The following RAB39A variants were observed in gnomAD, a reference collection of about 807,000 sequenced individuals.
RAB39A encodes ras-related protein Rab-39A.
In RAB39A, 17 loss-of-function variants were observed where a neutral mutation model predicts 20.9. The ratio of observed to expected loss-of-function variants is 0.81; its 90% CI spans 0.56 to 1.22. The LOEUF (loss-of-function observed/expected upper bound fraction) is 1.22. RAB39A is among the 50% of genes most tolerant of loss of function. RAB39A has a pLI of 0.00. For synonymous variants in RAB39A, 99 were observed against 103.4 expected (o/e 0.96, Z 0.26); for missense variants, 234 against 270.5 (o/e 0.87, Z 0.95).
At chr11:107,946,452 ATATATATATTTTTTTTT>A (rs1861316777) in intron 1 of RAB39A, among the ~76,000 whole-genome samples, 2 of 71,800 alleles carry the variant, frequency 2.8e-5, no homozygotes, top group African/African-American at 5.4e-5. Context: ...ATATATATAT[ATATATATATTTTTTTTT>A]TTTTTTTTTT....
chr11:107,930,420 G>A (rs1049644490), intron 1 of RAB39A, among the ~76,000 whole-genome samples: 1 of 152,082 alleles, frequency 6.6e-6, no homozygotes, highest in African/African-American at 2.4e-5. Flanking sequence ...CAGAAAAAAA[G>A]CATTTGCTGT....
chr11:107,946,321 TATATACACACACACACACACAC>T (rs1368061546), intron 1 of RAB39A, among the ~76,000 whole-genome samples: 1 of 97,602 alleles, frequency 1.0e-5, no homozygotes, highest in African/African-American at 3.2e-5. Context: ...TATATATATA[TATATACACACACACACACACAC>T]ATATATATAC....
At chr11:107,949,898 C>T (rs1235391653) in intron 1 of RAB39A, among the ~76,000 whole-genome samples, 3 of 152,120 alleles carry the variant, frequency 2.0e-5, no homozygotes, top group Non-Finnish European at 2.9e-5. Flanking sequence ...TTTGGCCGGG[C>T]GCGGTGGCTC....
chr11:107,958,292 C>G (rs78680978), intron 1 of RAB39A, among the ~76,000 whole-genome samples: 1,636 of 152,258 alleles, frequency 0.011, 19 homozygotes, highest in African/African-American at 0.036. Flanking sequence ...ATCAACTCTT[C>G]AGTTCCTTAC....
intron 1 of RAB39A, among the ~76,000 whole-genome samples, chr11:107,958,030 T>C (rs1404441928): frequency 2.6e-5 from 4 of 152,150 alleles, no homozygotes; most frequent in Non-Finnish European, 5.9e-5. Context: ...TAGCTTGGAC[T>C]ACAGGCATGC....
intron 1 of RAB39A, among the ~76,000 whole-genome samples, chr11:107,946,450 ATATATATATATT>A (rs1861316074): frequency 2.8e-5 from 2 of 72,430 alleles, no homozygotes; most frequent in African/African-American, 1.1e-4. Context: ...ATATATATAT[ATATATATATATT>A]TTTTTTTTTT....
At chr11:107,947,272 T>C (rs1160364333) in intron 1 of RAB39A, among the ~76,000 whole-genome samples, 2 of 151,870 alleles carry the variant, frequency 1.3e-5, no homozygotes, top group Non-Finnish European at 2.9e-5. Flanking sequence ...CGGCTAATTT[T>C]GTTTTTCTGT....
At position 107,947,807 on chromosome 11, in the gene RAB39A, CAAAAAAAAAAAAAAA is replaced by C. The variant is rs35694249; in HGVS notation, c.228-14130_228-14116del. 3.2e-4 allele frequency among the ~76,000 whole-genome samples: 26 copies of C among 80,226 alleles called. 1 individual carries two copies. Among genetic ancestry groups the C allele is most frequent in the African/African-American group, 1.3e-3 (26 of 19,804 alleles). The allele number at this position is 80,226 out of a possible 152,430, so 52.6% of individuals were successfully genotyped here. ...CTGAGAAAGGAACAGCATCAACAGG[CAAAAAAAAAAAAAAA>C]AAAAAAAAGAATAAAAATCTGAGCA... On this transcript the variant is annotated intron_variant, in intron 1 of 1. Coordinates refer to ENST00000320578, the MANE Select transcript of RAB39A (RefSeq NM_017516.3).
chr11:107,942,054 G>A (rs146841096), intron 1 of RAB39A, among the ~76,000 whole-genome samples: 7 of 128,970 alleles, frequency 5.4e-5, no homozygotes, highest in Admixed American at 1.9e-4. Context: ...AGCCAAGATC[G>A]TACCACTGCT....
At chr11:107,946,157 A>AAAAC (rs542265403) in intron 1 of RAB39A, among the ~76,000 whole-genome samples, 18 of 150,188 alleles carry the variant, frequency 1.2e-4, no homozygotes, top group African/African-American at 2.2e-4. Flanking sequence ...CCTAGGGACC[A>AAAAC]AAACAAACAA....
At chr11:107,948,205 T>C (rs1166403949) in intron 1 of RAB39A, among the ~76,000 whole-genome samples, 1 of 152,054 alleles carries the variant, frequency 6.6e-6, no homozygotes, top group Non-Finnish European at 1.5e-5. Flanking sequence ...ACAGAAAAGC[T>C]AATGGAAATA....
Position 107,961,929 on chromosome 11 carries a change from T to C in RAB39A, c.228-17T>C. On this transcript the variant is annotated splice_polypyrimidine_tract_variant and intron_variant, in intron 1 of 1. Coordinates refer to ENST00000320578, the MANE Select transcript of RAB39A (RefSeq NM_017516.3). ...ACAAGTTGTCCTTATACAACCTTTT[T>C]TCTCTTCATTTTTCAGATCAATAAC... 3 of 1,585,690 alleles carry C rather than the reference T, an allele frequency of 1.9e-6. No homozygotes were observed. Among genetic ancestry groups the C allele is most frequent in the Non-Finnish European group, 2.6e-6 (3 of 1,162,976 alleles).
intron 1 of RAB39A, among the ~76,000 whole-genome samples, chr11:107,959,292 A>G (rs7120994): frequency 0.59 from 89,378 of 151,988 alleles, 26,646 homozygotes; most frequent in East Asian, 0.72. Flanking sequence ...TGCAGGCTTG[A>G]TGCTGAGTAA....
intron 1 of RAB39A, among the ~76,000 whole-genome samples, chr11:107,951,723 G>A (rs1332654256): frequency 6.2e-5 from 9 of 145,590 alleles, no homozygotes; most frequent in South Asian, 2.2e-4. Flanking sequence ...GAGTTCAAGC[G>A]ATCCTGCCAC....
At chr11:107,938,346 C>A (rs1861219922) in intron 1 of RAB39A, among the ~76,000 whole-genome samples, 1 of 99,760 alleles carries the variant, frequency 1.0e-5, no homozygotes, top group African/African-American at 3.7e-5. Context: ...GGCAATAGAG[C>A]AAGACTCCGT....
At chr11:107,953,269 A>AT (rs1861400309) in intron 1 of RAB39A, among the ~76,000 whole-genome samples, 1 of 152,090 alleles carries the variant, frequency 6.6e-6, no homozygotes, top group South Asian at 2.1e-4. Context: ...GTTTTGTACC[A>AT]TTTTTTTCTT....
chr11:107,936,746 A>T (rs1861197413), intron 1 of RAB39A, among the ~76,000 whole-genome samples: 1 of 152,020 alleles, frequency 6.6e-6, no homozygotes, highest in Non-Finnish European at 1.5e-5. Context: ...ACATGGTGAA[A>T]CCCCATCTCT....
chr11:107,951,650 C>T (rs949337715), intron 1 of RAB39A, among the ~76,000 whole-genome samples: 7 of 118,118 alleles, frequency 5.9e-5, no homozygotes, highest in Non-Finnish European at 1.1e-4. Context: ...GACACGGTCT[C>T]AATCTGTCAC....
chr11:107,934,016 A>G (rs1232375044), intron 1 of RAB39A, among the ~76,000 whole-genome samples: 1 of 152,192 alleles, frequency 6.6e-6, no homozygotes, highest in African/African-American at 2.4e-5. Context: ...CCTGTATTCC[A>G]TATGGCACTC....
Sources: gnomAD v4.1 joint callset for allele counts (sites outside exome capture counted in the v4.1 genomes callset) on GRCh38, gnomAD v4.1.1 for gene constraint, MANE v1.5 for transcripts, NCBI Gene and HGNC (gene_info 2026-07-23, HGNC 2026-07-21) for gene names.